Variants in NFASC observed in about 807,000 individuals in gnomAD.
The protein encoded by NFASC is neurofascin homolog.
NFASC carries 43 observed loss-of-function variants against 147.5 expected under a neutral mutation model. The ratio of observed to expected loss-of-function variants is 0.29; its 90% confidence interval spans 0.23 to 0.38. NFASC has a LOEUF of 0.38. Ranked by LOEUF, NFASC falls within the 10% of genes least tolerant of loss-of-function variation. NFASC has a pLI of 1.00. For synonymous variants in NFASC, 622 were observed against 665.5 expected (o/e 0.93, Z 1.01); for missense variants, 1,320 against 1,689.0 (o/e 0.78, Z 3.83).
Position 204,885,970 on chromosome 1 carries a change from C to T in NFASC, c.-199-34662C>T, listed in dbSNP as rs185160686. On this transcript the variant is annotated intron_variant, in intron 1 of 29. Transcript: ENST00000339876. ...TCAAACATGTAATTCTGTCATTATC[C>T]GAAACACGTCTGAGCTATGCTTTCG... Among the ~76,000 whole-genome samples, 141 of 152,244 alleles carry T rather than the reference C, an allele frequency of 9.3e-4. 1 individual carries two copies. The highest frequency in any genetic ancestry group is 4.1e-3 in the South Asian group (20 of 4,820).
intron 1 of NFASC, among the ~76,000 whole-genome samples, chr1:204,829,559 G>T (rs1270446056): frequency 1.3e-5 from 2 of 152,134 alleles, no homozygotes; most frequent in Non-Finnish European, 2.9e-5. Flanking sequence ...CCTATTTGTG[G>T]CTTGGGGAAG....
At chr1:204,898,074 C>T (rs1197576541) in intron 1 of NFASC, among the ~76,000 whole-genome samples, 2 of 152,156 alleles carry the variant, frequency 1.3e-5, no homozygotes, top group Non-Finnish European at 2.9e-5. Flanking sequence ...GTAGAGATGG[C>T]GTCTCACCGT....
chr1:204,868,124 G>A (rs948864909), intron 1 of NFASC, among the ~76,000 whole-genome samples: 6 of 152,264 alleles, frequency 3.9e-5, no homozygotes, highest in African/African-American at 1.2e-4. Flanking sequence ...CCAGGGATGA[G>A]ACTGGACCCT....
intron 1 of NFASC, among the ~76,000 whole-genome samples, chr1:204,856,373 T>G (rs2076155255): frequency 9.2e-6 from 1 of 108,844 alleles, no homozygotes; most frequent in African/African-American, 3.3e-5. Context: ...CAAGGAGAGA[T>G]GCAGAACAGG....
chr1:204,996,984 T>C (rs1042074474), intron 24 of NFASC, among the ~76,000 whole-genome samples, 186 bp from the exon 25 acceptor site: 6 of 152,042 alleles, frequency 3.9e-5, no homozygotes, highest in African/African-American at 1.2e-4. Context: ...TTCATTCTCT[T>C]CCTCTCCCAT....
chr1:204,869,745 A>G (rs1444552808), intron 1 of NFASC, among the ~76,000 whole-genome samples: 1 of 152,188 alleles, frequency 6.6e-6, no homozygotes, highest in African/African-American at 2.4e-5. Context: ...TTTTGAACCC[A>G]GGTCGCCTGC....
intron 3 of NFASC, 49 bp downstream of exon 3, chr1:204,944,455 A>AAGG: frequency 1.0e-5 from 4 of 385,416 alleles, no homozygotes; most frequent in African/African-American, 2.4e-5. Flanking sequence ...TTTTGGGCAG[A>AAGG]GGGGTGGGAG....
intron 1 of NFASC, among the ~76,000 whole-genome samples, chr1:204,872,959 C>T (rs920068630): frequency 5.3e-5 from 8 of 152,316 alleles, no homozygotes; most frequent in South Asian, 2.1e-4. Context: ...GTCACACTGT[C>T]GGTGACTGAG....
chr1:204,983,064 G>A (rs1472003574), intron 21 of NFASC, among the ~76,000 whole-genome samples: 4 of 152,216 alleles, frequency 2.6e-5, no homozygotes, highest in South Asian at 2.1e-4. Context: ...ACAGGAGCCC[G>A]ATGGGACCAC....
Position 204,987,272 on chromosome 1 carries a change from G to T in NFASC, c.2471-146G>T, listed in dbSNP as rs1323285553. The T allele has an allele frequency of 1.3e-6, 1 of 742,088 alleles. No individual in the cohort carries two copies. The highest frequency in any genetic ancestry group is 1.8e-5 in the African/African-American group (1 of 56,724). 46.0% of individuals were successfully genotyped at this position (742,088 alleles called of 1,614,324 possible). ...GGCAATGGGCTCCGGTCGTCTCACG[G>T]TTCTCCCAGGCTTCAGTTTAGCAGT... On this transcript the variant is annotated intron_variant, in intron 21 of 29. Coordinates refer to ENST00000339876, the MANE Select transcript of NFASC (RefSeq NM_001005388.3). This position sits in a 1 kb window ranked among gnomAD's most constrained non-coding sequence, Gnocchi z 4.4.
chr1:204,842,049 A>G (rs1675515313), intron 1 of NFASC, among the ~76,000 whole-genome samples: 1 of 152,258 alleles, frequency 6.6e-6, no homozygotes, highest in South Asian at 2.1e-4. Context: ...GTAGATCTTT[A>G]TCTCAAGACC....
At chr1:205,013,265 C>A (rs2096285259) in intron 29 of NFASC, among the ~76,000 whole-genome samples, 2 of 152,192 alleles carry the variant, frequency 1.3e-5, no homozygotes, top group South Asian at 4.1e-4. Context: ...TGCTGATTCT[C>A]TGCCCACACT....
intron 2 of NFASC, among the ~76,000 whole-genome samples, chr1:204,921,995 C>T (rs2090577757): frequency 6.6e-6 from 1 of 152,174 alleles, no homozygotes; most frequent in South Asian, 2.1e-4. Flanking sequence ...CTTGAACATA[C>T]TGACTGACAG....
At chr1:204,928,491 C>A (rs1419909014) in intron 2 of NFASC, among the ~76,000 whole-genome samples, 1 of 152,192 alleles carries the variant, frequency 6.6e-6, no homozygotes, top group Non-Finnish European at 1.5e-5. Context: ...CTGTGCCAGG[C>A]TGCAATGTGC....
intron 16 of NFASC, 26 bp from the exon 17 acceptor site, chr1:204,977,655 C>G (rs768842696): frequency 2.5e-6 from 4 of 1,605,138 alleles, no homozygotes; most frequent in African/African-American, 1.3e-5. Context: ...ACCTGCTAAC[C>G]TGGATAACCC....
At chr1:204,868,246 T>G (rs1156928182) in intron 1 of NFASC, among the ~76,000 whole-genome samples, 5 of 152,158 alleles carry the variant, frequency 3.3e-5, no homozygotes, top group Non-Finnish European at 7.4e-5. Context: ...GGATCAACAG[T>G]TCCCCTAAGT....
chr1:204,943,565 A>ATTCAT (rs1189016080), intron 2 of NFASC, among the ~76,000 whole-genome samples: 1 of 152,246 alleles, frequency 6.6e-6, no homozygotes, highest in Non-Finnish European at 1.5e-5. Flanking sequence ...TGCAGAAATC[A>ATTCAT]TTCATTTTTC....
At chr1:204,959,389 C>T (rs1052832759) in intron 8 of NFASC, among the ~76,000 whole-genome samples, 4 of 152,184 alleles carry the variant, frequency 2.6e-5, no homozygotes, top group Non-Finnish European at 1.5e-5. Context: ...CCAGGGAGAC[C>T]CCTTGGAGGA....
At chr1:204,879,357 C>T (rs1019880984) in intron 1 of NFASC, among the ~76,000 whole-genome samples, 32 of 152,332 alleles carry the variant, frequency 2.1e-4, no homozygotes, top group African/African-American at 7.5e-4. Context: ...GCAAAACAGT[C>T]GTCTGTAGGA....
Sources: gnomAD v4.1 joint callset for allele counts (sites outside exome capture counted in the v4.1 genomes callset) on GRCh38, gnomAD v4.1.1 for gene constraint, Gnocchi (gnomAD v3.1) non-coding constraint, MANE v1.5 for transcripts, NCBI Gene and HGNC (gene_info 2026-07-23, HGNC 2026-07-21) for gene names.